Variants in SCAPER observed in about 807,000 individuals in gnomAD.
SCAPER encodes S phase cyclin A-associated protein in the endoplasmic reticulum.
A neutral mutation model predicts 182.2 loss-of-function variants in SCAPER; 98 were observed. The observed-to-expected ratio is 0.54, with a 90% CI of 0.46 to 0.64. SCAPER has a LOEUF of 0.64. Among genes scored for constraint, SCAPER ranks in the 30% least tolerant of loss-of-function variants. The pLI, the probability that SCAPER is intolerant of heterozygous loss-of-function variation, is 0.00. For synonymous variants in SCAPER, 605 were observed against 564.6 expected, an observed-to-expected ratio of 1.07 and a Z score of -1.01; for missense variants, 1,432 against 1,690.0, an observed-to-expected ratio of 0.85 and a Z score of 2.68.
chr15:76,807,144 C>G (rs1414410341), intron 5 of SCAPER, among the ~76,000 whole-genome samples: 1 of 152,126 alleles, frequency 6.6e-6, no homozygotes, highest in Non-Finnish European at 1.5e-5. Flanking sequence ...CTGATCTTAC[C>G]CAACGGGAAA....
At chr15:76,849,120 C>A (rs768404717) in intron 4 of SCAPER, among the ~76,000 whole-genome samples, 2 of 152,142 alleles carry the variant, frequency 1.3e-5, no homozygotes, top group Non-Finnish European at 2.9e-5. Context: ...CCTCTCCTCC[C>A]TGTGAGCCTT....
At chr15:76,893,481 A>G (rs905483680) in intron 1 of SCAPER, among the ~76,000 whole-genome samples, 3 of 152,132 alleles carry the variant, frequency 2.0e-5, no homozygotes, top group Non-Finnish European at 2.9e-5. Flanking sequence ...GGACTTCAAT[A>G]CCCCACTTTC....
chr15:76,520,098 T>C (rs896238731), intron 23 of SCAPER, among the ~76,000 whole-genome samples: 3 of 152,244 alleles, frequency 2.0e-5, no homozygotes, highest in African/African-American at 2.4e-5. Context: ...TAGATTGTGT[T>C]TAGTCTTCCT....
intron 4 of SCAPER, among the ~76,000 whole-genome samples, chr15:76,854,532 GC>G (rs1393515373): frequency 6.6e-6 from 1 of 152,004 alleles, no homozygotes; most frequent in East Asian, 1.9e-4. Context: ...CAGCCATACT[GC>G]CCAAAGCAAT....
intron 27 of SCAPER, among the ~76,000 whole-genome samples, chr15:76,392,990 C>A (rs777272301): frequency 7.2e-5 from 11 of 152,166 alleles, no homozygotes; most frequent in Non-Finnish European, 4.4e-5. Flanking sequence ...CGAGCTGGGG[C>A]CCAGCCAGTT....
At chr15:76,462,540 GTTTTACTGAAACC>G (rs1166900201) in intron 25 of SCAPER, among the ~76,000 whole-genome samples, 1 of 152,028 alleles carries the variant, frequency 6.6e-6, no homozygotes, top group Non-Finnish European at 1.5e-5. Flanking sequence ...ACTGTTAATT[GTTTTACTGAAACC>G]TTTTACACCT....
chr15:76,414,312 G>C (rs2045503367), intron 26 of SCAPER, among the ~76,000 whole-genome samples: 1 of 152,012 alleles, frequency 6.6e-6, no homozygotes, highest in African/African-American at 2.4e-5. Flanking sequence ...GTTTAAGAAA[G>C]TAGATTTCTG....
chr15:76,657,964 G>C (rs138923533), intron 21 of SCAPER, among the ~76,000 whole-genome samples: 3 of 152,204 alleles, frequency 2.0e-5, no homozygotes, highest in African/African-American at 4.8e-5. Context: ...ATATCATACT[G>C]AACAGGCAAA....
intron 1 of SCAPER, among the ~76,000 whole-genome samples, chr15:76,892,728 G>A (rs2074231164): frequency 6.6e-6 from 1 of 152,178 alleles, no homozygotes; most frequent in Admixed American, 6.5e-5. Context: ...TGGTGGGAGT[G>A]TCAATTAGTT....
chr15:76,817,241 A>G (rs945836765), intron 5 of SCAPER, among the ~76,000 whole-genome samples: 2 of 152,206 alleles, frequency 1.3e-5, no homozygotes, highest in African/African-American at 4.8e-5. Context: ...CCACCTTTAA[A>G]AAGGAGATCC....
At chr15:76,738,879 G>T (rs2061412360) in intron 15 of SCAPER, among the ~76,000 whole-genome samples, 1 of 152,042 alleles carries the variant, frequency 6.6e-6, no homozygotes, top group Non-Finnish European at 1.5e-5. Flanking sequence ...CGTGTTGTTG[G>T]AAAAAATGGC....
chr15:76,554,566 G>C (rs2046039675), intron 23 of SCAPER, among the ~76,000 whole-genome samples: 1 of 152,094 alleles, frequency 6.6e-6, no homozygotes, highest in South Asian at 2.1e-4. Context: ...GTTTGAAGTT[G>C]GGTAGTATGA....
At chr15:76,852,490 A>G (rs1040255148) in intron 4 of SCAPER, among the ~76,000 whole-genome samples, 1 of 152,142 alleles carries the variant, frequency 6.6e-6, no homozygotes, top group Non-Finnish European at 1.5e-5. Flanking sequence ...TACCAAACAC[A>G]CTTTCAGACC....
intron 8 of SCAPER, among the ~76,000 whole-genome samples, chr15:76,790,730 A>G (rs1038143276): frequency 2.0e-5 from 3 of 152,180 alleles, no homozygotes; most frequent in Non-Finnish European, 4.4e-5. Flanking sequence ...GATCAAGTAC[A>G]GTAGTAATAT....
At chr15:76,367,449 TA>T (rs1299942372) in intron 29 of SCAPER, among the ~76,000 whole-genome samples, 1 of 152,234 alleles carries the variant, frequency 6.6e-6, no homozygotes, top group Non-Finnish European at 1.5e-5. Flanking sequence ...TAAACTTTGA[TA>T]AAAGATTCCT....
intron 23 of SCAPER, among the ~76,000 whole-genome samples, chr15:76,561,765 A>C (rs1163424399): frequency 6.6e-6 from 1 of 150,984 alleles, no homozygotes; most frequent in Non-Finnish European, 1.5e-5. Flanking sequence ...GCTGGAGCGT[A>C]ATGGCTCAAT....
chr15:76,428,611 C>T (rs1411950786), intron 26 of SCAPER, among the ~76,000 whole-genome samples: 1 of 151,602 alleles, frequency 6.6e-6, no homozygotes, highest in Non-Finnish European at 1.5e-5. Flanking sequence ...AGAGAGTACA[C>T]CAGCGGTTAC....
Position 76,615,212 on chromosome 15 carries a change from G to C in SCAPER, c.2711+6552C>G, listed in dbSNP as rs191891160. 3.2e-3 allele frequency among the ~76,000 whole-genome samples: 485 copies of C among 151,794 alleles called. 3 individuals carry two copies. The highest frequency in any genetic ancestry group is 0.016 in the South Asian group (77 of 4,798). On this transcript the variant is annotated intron_variant, in intron 22 of 31. Transcript: ENST00000563290. ...ATGTAATAGCACTTTGGGAGGCTGAGGGGGGGCGGATTGCTTGAGCCCAGG... is the reference window on the plus strand; with the variant it reads ...ATGTAATAGCACTTTGGGAGGCTGACGGGGGGCGGATTGCTTGAGCCCAGG...
At position 76,614,660 on chromosome 15, in the gene SCAPER, C is replaced by A. The variant is rs115042375; in HGVS notation, c.2711+7104G>T. On this transcript the variant is annotated intron_variant, in intron 22 of 31. Coordinates refer to ENST00000563290, the MANE Select transcript of SCAPER (RefSeq NM_020843.4). ...ACAACATATCAAAATGCATGAGACA[C>A]AGTGAAAGAAGGGGGACATTTATAA... 8.2e-3 allele frequency among the ~76,000 whole-genome samples: 1,241 copies of A among 151,938 alleles called. 13 individuals carry two copies. The highest frequency in any genetic ancestry group is 0.028 in the African/African-American group (1,177 of 41,430).
Sources: allele counts gnomAD v4.1 joint callset (sites outside exome capture counted in the v4.1 genomes callset), GRCh38; gene constraint gnomAD v4.1.1; transcripts MANE v1.5; gene names NCBI Gene and HGNC (gene_info 2026-07-23, HGNC 2026-07-21).